The following PRH1 variants were observed in gnomAD, a reference collection of about 807,000 sequenced individuals.
PRH1 encodes salivary acidic proline-rich phosphoprotein 1/2.
A neutral mutation model predicts 7.9 loss-of-function variants in PRH1; 7 were observed. The ratio of observed to expected loss-of-function variants is 0.89; its 90% CI spans 0.50 to 1.67. The LOEUF (loss-of-function observed/expected upper bound fraction) is 1.67. Among genes scored for constraint, PRH1 ranks in the 40% most tolerant of loss-of-function variants. The pLI is 0.00. For missense variants in PRH1, 109 were observed against 223.6 expected (o/e 0.49, Z 3.27); for synonymous variants, 45 against 80.8 (o/e 0.56, Z 2.38).
At chr12:10,980,085 A>C (rs1939282602) in intron 1 of PRH1, among the ~76,000 whole-genome samples, 1 of 152,320 alleles carries the variant, frequency 6.6e-6, no homozygotes. Flanking sequence ...AGCACACAGA[A>C]AGTAAGGCCA....
At chr12:10,982,242 A>G (rs1939391015) in intron 1 of PRH1, among the ~76,000 whole-genome samples, 1 of 152,192 alleles carries the variant, frequency 6.6e-6, no homozygotes, top group Admixed American at 6.5e-5. Context: ...AAAACATAAT[A>G]ACTGCATTCT....
chr12:10,914,405 G>T (rs1382917610), intron 2 of PRH1, among the ~76,000 whole-genome samples: 1 of 152,156 alleles, frequency 6.6e-6, no homozygotes, highest in African/African-American at 2.4e-5. Context: ...AAAAGACAAG[G>T]ATTTCTAAAA....
At chr12:10,968,976 G>T (rs10845258) in intron 2 of PRH1, among the ~76,000 whole-genome samples, 37,040 of 152,214 alleles carry the variant, frequency 0.24, 4,562 homozygotes, top group Non-Finnish European at 0.25. Flanking sequence ...GAGGTTCAGT[G>T]TAACAACTTT....
intron 1 of PRH1, among the ~76,000 whole-genome samples, chr12:11,147,751 C>T (rs1946911566): frequency 1.3e-5 from 2 of 152,166 alleles, no homozygotes; most frequent in African/African-American, 4.8e-5. Flanking sequence ...TTGAGTTCTA[C>T]AGATGTTAAA....
chr12:11,134,591 C>G, intron 1 of PRH1: 1 of 236,388 alleles, frequency 4.2e-6, no homozygotes. Flanking sequence ...ATGTTCACTT[C>G]CAGTGTTTGC....
chr12:10,944,490 A>C (rs577084282), intron 2 of PRH1, among the ~76,000 whole-genome samples: 2 of 152,304 alleles, frequency 1.3e-5, no homozygotes, highest in East Asian at 3.9e-4. Flanking sequence ...TTTTGTAGAT[A>C]GAGAATATGT....
intron 2 of PRH1, among the ~76,000 whole-genome samples, chr12:10,890,524 A>G: frequency 6.6e-6 from 1 of 152,050 alleles, no homozygotes; most frequent in East Asian, 1.9e-4. Flanking sequence ...AGGCCCTGCT[A>G]TCTTCTATTT....
At chr12:11,047,376 G>T (rs1307984141), upstream of PRH1, among the ~76,000 whole-genome samples, 1 of 150,798 alleles carries the variant, frequency 6.6e-6, no homozygotes, top group African/African-American at 2.4e-5. Context: ...TGTTTACATT[G>T]AGTTTATTTT....
At chr12:10,888,323 T>C (rs769858525), upstream of PRH1, among the ~76,000 whole-genome samples, 4 of 152,214 alleles carry the variant, frequency 2.6e-5, no homozygotes, top group Non-Finnish European at 5.9e-5. Flanking sequence ...AATTAGGAAG[T>C]GTGTGACTTT....
intron 1 of PRH1, among the ~76,000 whole-genome samples, chr12:11,014,712 C>T (rs893256575): frequency 6.7e-6 from 1 of 148,174 alleles, no homozygotes; most frequent in Non-Finnish European, 1.5e-5. Context: ...AAATTCACCA[C>T]AAGAATATTC....
intron 1 of PRH1, among the ~76,000 whole-genome samples, chr12:11,136,316 G>GT (rs983802423): frequency 3.6e-5 from 5 of 138,552 alleles, no homozygotes; most frequent in Admixed American, 7.3e-5. Flanking sequence ...AGTACATGTG[G>GT]TTTTTTTTCA....
chr12:10,980,090 A>T (rs1335953958), intron 1 of PRH1, among the ~76,000 whole-genome samples: 1 of 152,196 alleles, frequency 6.6e-6, no homozygotes, highest in Non-Finnish European at 1.5e-5. Flanking sequence ...ACAGAAAGTA[A>T]GGCCATGACC....
At chr12:11,133,813 A>T in intron 1 of PRH1, 1 of 1,614,200 alleles carries the variant, frequency 6.2e-7, no homozygotes, top group South Asian at 1.1e-5. Context: ...TTATCACAAA[A>T]AGATGACAAA....
Position 11,127,756 on chromosome 12 carries a change from C to T in PRH1, n.40-6576G>A, listed in dbSNP as rs1565680768. On this transcript the variant is annotated intron_variant and non_coding_transcript_variant, in intron 1 of 1. Transcript: ENST00000541175. ...TCAAACTTAATCTCTAAGGCTTAGG[C>T]CTTTAACTAAGTTATTCTCTTGAGA... Among the ~76,000 whole-genome samples the T allele has an allele frequency of 2.0e-5, 3 of 152,254 alleles. No individual in the cohort carries two copies. In the South Asian group the frequency reaches 6.2e-4, roughly 31 times the overall value.
chr12:10,882,264 C>T lies in PRH1; in HGVS notation c.535G>A (p.Gly179Arg), dbSNP rs1949413354. Residue 179 changes from glycine (G) to arginine (R), a missense_variant, in exon 3 of 4, where the codon GGA becomes AGA. Transcript: ENST00000543626. Reference sequence around the variant, plus strand: ...TGAGGAGACTGCCCCTGTGGAGGTCCTTGTGGGCGGCCCCCTTGGGGAGGT... The same window carrying T: ...TGAGGAGACTGCCCCTGTGGAGGTCTTTGTGGGCGGCCCCCTTGGGGAGGT... ...GPPPQGGRPQGPPQGQSPQ is the reference protein window; with the variant it reads ...GPPPQGGRPQRPPQGQSPQ 10 of 1,613,278 alleles carry T rather than the reference C, an allele frequency of 6.2e-6. No individual in the cohort carries two copies. Among genetic ancestry groups the T allele is most frequent in the African/African-American group, 1.3e-5 (1 of 74,882 alleles).
chr12:11,108,678 CAGG>C (rs1335325144), intron 1 of PRH1, among the ~76,000 whole-genome samples: 7 of 152,202 alleles, frequency 4.6e-5, no homozygotes, highest in African/African-American at 1.7e-4. Flanking sequence ...ACCCACAAAC[CAGG>C]AGATTTCCTC....
chr12:10,887,275 T>C (rs1216392278), upstream of PRH1, among the ~76,000 whole-genome samples: 8 of 152,186 alleles, frequency 5.3e-5, no homozygotes, highest in Admixed American at 1.3e-4. Flanking sequence ...GTGAGTTTCA[T>C]TGGGTCGCTG....
upstream of PRH1, among the ~76,000 whole-genome samples, chr12:10,888,342 G>A (rs1246460353): frequency 6.6e-6 from 1 of 152,206 alleles, no homozygotes; most frequent in African/African-American, 2.4e-5. Context: ...TTGGGAGACT[G>A]TTAATCTTCA....
rs796889708 is a variant in PRH1, at chr12:11,093,757, TAC to T, written n.124-46571_124-46570del. Among the ~76,000 whole-genome samples the T allele has an allele frequency of 1.6e-4, 18 of 115,308 alleles. 3 individuals are homozygous for T. The highest frequency in any genetic ancestry group is 4.9e-4 in the African/African-American group (17 of 34,432). The allele number at this position is 115,308 out of a possible 152,430, so 75.6% of individuals were successfully genotyped here. On this transcript the variant is annotated intron_variant and non_coding_transcript_variant, in intron 1 of 4. Coordinates refer to the PRH1 transcript ENST00000541977. Reference sequence around the variant, plus strand: ...CTTATTTTGATAAACAAAAAATTACTACAGTTTGCATAGAGATTTGAGATGGC... The same window carrying T: ...CTTATTTTGATAAACAAAAAATTACTAGTTTGCATAGAGATTTGAGATGGC...
Sources: allele counts gnomAD v4.1 joint callset (sites outside exome capture counted in the v4.1 genomes callset), GRCh38; gene constraint gnomAD v4.1.1; transcripts MANE v1.5; gene names NCBI Gene and HGNC (gene_info 2026-07-23, HGNC 2026-07-21).